The following VAV2 variants were observed in gnomAD, a reference collection of about 807,000 sequenced individuals.
VAV2 encodes the protein guanine nucleotide exchange factor VAV2.
Under a neutral mutation model 132.5 loss-of-function variants are expected in VAV2, and 67 were observed. The ratio of observed to expected loss-of-function variants is 0.51; its 90% confidence interval spans 0.42 to 0.62. The LOEUF is 0.62. Among genes scored for constraint, VAV2 ranks in the 20% least tolerant of loss-of-function variants. The probability of loss-of-function intolerance (pLI) is 0.00; values close to 1 mark genes in which losing one functional copy is unlikely to be tolerated. For missense variants in VAV2, 938 were observed against 1,153.6 expected, an observed-to-expected ratio of 0.81 and a Z score of 2.71; for synonymous variants, 492 against 443.5, an observed-to-expected ratio of 1.11 and a Z score of -1.37.
At chr9:133,942,772 C>T (rs546637827) in intron 1 of VAV2, among the ~76,000 whole-genome samples, 5 of 152,348 alleles carry the variant, frequency 3.3e-5, no homozygotes, top group Non-Finnish European at 7.3e-5. Context: ...CCCGTGGCCA[C>T]TCTGGCCACC....
chr9:133,976,509 C>A (rs914588192), intron 1 of VAV2, among the ~76,000 whole-genome samples: 2 of 152,192 alleles, frequency 1.3e-5, no homozygotes, highest in Non-Finnish European at 2.9e-5. Context: ...TGAAACGAGG[C>A]CTTCATTCCC....
intron 1 of VAV2, among the ~76,000 whole-genome samples, chr9:133,988,582 C>T (rs537794216): frequency 3.9e-5 from 6 of 152,304 alleles, no homozygotes; most frequent in African/African-American, 1.4e-4. Context: ...GACCCAACCA[C>T]CAAGGGTGGA....
chr9:133,785,920 C>T (rs973136466), intron 16 of VAV2, 35 bp from the exon 17 acceptor site: 11 of 1,585,100 alleles, frequency 6.9e-6, no homozygotes. Flanking sequence ...TTGCAATAGA[C>T]ACGGCTTCAG....
intron 25 of VAV2, 34 bp downstream of exon 25, chr9:133,774,901 G>A: frequency 1.3e-6 from 2 of 1,582,134 alleles, no homozygotes; most frequent in Non-Finnish European, 8.6e-7. Context: ...GGCATTGGGG[G>A]ATGGGTCTCC....
At chr9:133,960,829 G>C (rs1841942019) in intron 1 of VAV2, among the ~76,000 whole-genome samples, 1 of 152,138 alleles carries the variant, frequency 6.6e-6, no homozygotes, top group South Asian at 2.1e-4. Context: ...CATAAGTAAA[G>C]CTCAGGGACC....
intron 2 of VAV2, among the ~76,000 whole-genome samples, chr9:133,898,259 C>T (rs899110333): frequency 6.6e-6 from 1 of 152,106 alleles, no homozygotes; most frequent in African/African-American, 2.4e-5. Context: ...AGGCTGAGTC[C>T]AGCGCTTTCT....
In VAV2 at chr9:133,857,290, A is replaced by T. The variant is rs1382961139; in HGVS notation, c.380+4084T>A. On this transcript the variant is annotated intron_variant, in intron 3 of 29. Coordinates refer to ENST00000371850, the MANE Select transcript of VAV2 (RefSeq NM_001134398.2). The surrounding 1 kb of genome is among the most constrained non-coding windows in gnomAD (Gnocchi z 4.0). ...GGTGCCTTCCACAAACCCCTCTCCC[A>T]CTCTACAACCACAATCCTCCCCCTT... is the stretch of plus-strand genomic sequence containing the variant. Among the ~76,000 whole-genome samples, 13 of 150,934 alleles carry T rather than the reference A, an allele frequency of 8.6e-5. No individual in the cohort carries two copies.
intron 1 of VAV2, among the ~76,000 whole-genome samples, chr9:133,973,313 C>T (rs1049168809): frequency 6.6e-6 from 1 of 152,166 alleles, no homozygotes; most frequent in Admixed American, 6.5e-5. Context: ...GGCGCTGTAC[C>T]GCGAAACTCG....
At chr9:133,774,822 C>T (rs1833757007) in intron 25 of VAV2, 113 bp downstream of exon 25, 3 of 934,864 alleles carry the variant, frequency 3.2e-6, no homozygotes, top group East Asian at 4.9e-5. Context: ...CACTTGGCAA[C>T]AGATGACATG....
intron 2 of VAV2, among the ~76,000 whole-genome samples, chr9:133,915,011 G>T (rs1450459857): frequency 6.6e-6 from 1 of 152,150 alleles, no homozygotes; most frequent in Non-Finnish European, 1.5e-5. Flanking sequence ...GACCTGGGAG[G>T]GAGCAGGGAA....
chr9:133,783,539 T>C lies in VAV2; in HGVS notation c.1687A>G (p.Lys563Glu). The part of the protein sequence containing the change: ...MCTKCGVGAH[K>E]ECLEVIPPCK... Reference sequence around the variant, plus strand: ...GGAGGTATCACTTCCAGGCACTCCTTGTGTGCCCCGACGCCACACTTGGTA... The same window carrying C: ...GGAGGTATCACTTCCAGGCACTCCTCGTGTGCCCCGACGCCACACTTGGTA... The change falls in exon 19 of 30, where the codon AAG becomes GAG. Residue 563 changes from lysine to glutamate, a missense_variant. Lys to Glu is a moderately conservative substitution (Grantham distance 56, BLOSUM62 1). Coordinates refer to ENST00000371850, the MANE Select transcript of VAV2 (RefSeq NM_001134398.2). The C allele has an allele frequency of 6.2e-7, 1 of 1,613,902 alleles. No homozygotes were observed. The highest frequency in any genetic ancestry group is 8.5e-7 in the Non-Finnish European group (1 of 1,179,930).
At chr9:133,903,814 C>T (rs1839537148) in intron 2 of VAV2, among the ~76,000 whole-genome samples, 1 of 152,184 alleles carries the variant, frequency 6.6e-6, no homozygotes, top group East Asian at 1.9e-4. Context: ...GTCAGGTCCA[C>T]ACTGAGACCC....
intron 22 of VAV2, 116 bp downstream of exon 22, chr9:133,778,646 G>A: frequency 1.4e-6 from 2 of 1,432,868 alleles, no homozygotes; most frequent in East Asian, 2.5e-5. Flanking sequence ...CCTCCCTGGT[G>A]GTCTCTCACC....
intron 2 of VAV2, among the ~76,000 whole-genome samples, chr9:133,881,359 C>T (rs543401977): frequency 7.9e-4 from 121 of 152,348 alleles, no homozygotes; most frequent in African/African-American, 2.7e-3. Flanking sequence ...TGAGACGGGG[C>T]TTGTGAACAG....
intron 2 of VAV2, among the ~76,000 whole-genome samples, chr9:133,872,820 G>A (rs1179291322): frequency 2.0e-5 from 3 of 152,028 alleles, no homozygotes; most frequent in Non-Finnish European, 2.9e-5. Flanking sequence ...GCAGATGGGT[G>A]GACAGAAAAG....
At chr9:133,866,331 C>T (rs1011514657) in intron 2 of VAV2, among the ~76,000 whole-genome samples, 2 of 152,302 alleles carry the variant, frequency 1.3e-5, no homozygotes, top group Middle Eastern at 3.4e-3. Context: ...GAGGAGCCCA[C>T]GCTCACTGGA....
At chr9:133,897,021 G>A (rs1288783245) in intron 2 of VAV2, among the ~76,000 whole-genome samples, 3 of 152,240 alleles carry the variant, frequency 2.0e-5, no homozygotes, top group Non-Finnish European at 2.9e-5. Context: ...GTGAACCCGG[G>A]AGGCGGAGCT....
At chr9:133,790,257 A>G (rs1003221446) in intron 13 of VAV2, among the ~76,000 whole-genome samples, 3 of 152,072 alleles carry the variant, frequency 2.0e-5, no homozygotes, top group Admixed American at 6.5e-5. Flanking sequence ...GCTCACTGCA[A>G]CCTCTGCCTC....
intron 2 of VAV2, among the ~76,000 whole-genome samples, chr9:133,903,870 G>C (rs1400083143): frequency 6.6e-6 from 1 of 152,204 alleles, no homozygotes; most frequent in Non-Finnish European, 1.5e-5. Flanking sequence ...AAAGCCAGGG[G>C]AAGAGTTTGA....
Sources: allele counts gnomAD v4.1 joint callset (sites outside exome capture counted in the v4.1 genomes callset), GRCh38; gene constraint gnomAD v4.1.1; non-coding constraint Gnocchi (gnomAD v3.1); transcripts MANE v1.5; gene names NCBI Gene and HGNC (gene_info 2026-07-23, HGNC 2026-07-21).